SNX25: variants seen among roughly 807,000 people sequenced by gnomAD.
SNX25 encodes the protein sorting nexin 25.
SNX25 carries 62 observed loss-of-function variants against 113.7 expected under a neutral mutation model. That is an observed-to-expected ratio of 0.55 (90% CI 0.44 to 0.67). SNX25 has a LOEUF of 0.67. Among genes scored for constraint, SNX25 ranks in the 30% least tolerant of loss-of-function variants. SNX25 has a pLI of 0.00. For synonymous variants in SNX25, 421 were observed against 436.2 expected (o/e 0.97, Z 0.43); for missense variants, 1,014 against 1,161.0 (o/e 0.87, Z 1.84).
At chr4:185,308,212 C>G (rs929895237) in intron 6 of SNX25, among the ~76,000 whole-genome samples, 2 of 152,224 alleles carry the variant, frequency 1.3e-5, no homozygotes, top group African/African-American at 2.4e-5. Context: ...AGCTGTAATA[C>G]TCAAATGTTT....
At chr4:185,280,857 A>ACGACCCAGATGCAGAGC (rs1254862431) in intron 5 of SNX25, among the ~76,000 whole-genome samples, 1 of 152,216 alleles carries the variant, frequency 6.6e-6, no homozygotes, top group Non-Finnish European at 1.5e-5. Context: ...GCTTTGATTT[A>ACGACCCAGATGCAGAGC]CGACCCAGAT....
intron 6 of SNX25, among the ~76,000 whole-genome samples, chr4:185,288,415 T>C (rs1314574673): frequency 6.6e-6 from 1 of 152,178 alleles, no homozygotes; most frequent in Non-Finnish European, 1.5e-5. Flanking sequence ...AAATTTAATA[T>C]TTCTATCTTG....
intron 16 of SNX25, among the ~76,000 whole-genome samples, chr4:185,360,734 A>G (rs2126758774): frequency 6.6e-6 from 1 of 152,098 alleles, no homozygotes; most frequent in African/African-American, 2.4e-5. Flanking sequence ...CAATCCTGAC[A>G]CAGTGAAACC....
chr4:185,362,014 G>A lies in SNX25; in HGVS notation c.2742G>A (p.Gly914=). 1 of 1,614,054 alleles carries A rather than the reference G, an allele frequency of 6.2e-7. No individual in the cohort carries two copies. Among genetic ancestry groups the A allele is most frequent in the Non-Finnish European group, 8.5e-7 (1 of 1,179,986 alleles). The change falls in exon 17 of 19, where the codon GGG becomes GGA. Residue 914 remains glycine, a synonymous_variant. Coordinates refer to ENST00000652585, the MANE Select transcript of SNX25 (RefSeq NM_001378034.2). ...TCCGGGATGCTTTTTGGCCAAATGG[G>A]AAGTTGGCACCACCGACCACAATCA... is the stretch of plus-strand genomic sequence containing the variant. The part of the protein sequence containing the change: ...NIFRDAFWPN[G]KLAPPTTIRS...
chr4:185,252,367 A>G (rs1216717612), intron 2 of SNX25, among the ~76,000 whole-genome samples: 2 of 152,194 alleles, frequency 1.3e-5, no homozygotes, highest in African/African-American at 4.8e-5. Context: ...GGAATTCAGA[A>G]TGTTATTAAC....
chr4:185,376,372 G>T, the SNX25 span, among the ~76,000 whole-genome samples: 1 of 152,106 alleles, frequency 6.6e-6, no homozygotes, highest in Middle Eastern at 3.4e-3. Flanking sequence ...CTGCCTCCTG[G>T]GTTCAAGCGA....
intron 6 of SNX25, among the ~76,000 whole-genome samples, chr4:185,290,746 A>C (rs1222202531): frequency 2.6e-5 from 4 of 152,224 alleles, no homozygotes; most frequent in African/African-American, 9.7e-5. Context: ...TTTAAGTATT[A>C]GTTTCTCTCT....
At chr4:185,319,193 C>CTT (rs143650995) in intron 7 of SNX25, among the ~76,000 whole-genome samples, 10 of 85,946 alleles carry the variant, frequency 1.2e-4, no homozygotes, top group Non-Finnish European at 1.4e-4. Context: ...TGAGAAAGTC[C>CTT]TTTTTTTTTT....
chr4:185,294,024 G>A (rs114931710), intron 6 of SNX25, among the ~76,000 whole-genome samples: 1,631 of 152,224 alleles, frequency 0.011, 16 homozygotes, highest in South Asian at 0.049. Flanking sequence ...GGATTGATAA[G>A]GAAGATCGTG....
intron 1 of SNX25, among the ~76,000 whole-genome samples, chr4:185,240,368 C>A (rs1467504753): frequency 6.6e-6 from 1 of 151,640 alleles, no homozygotes; most frequent in Non-Finnish European, 1.5e-5. Flanking sequence ...TCTCACCTCC[C>A]GGACGGGGCG....
chr4:185,378,451 G>T, the SNX25 span: 2 of 1,257,672 alleles, frequency 1.6e-6, no homozygotes, highest in Admixed American at 7.5e-5. Context: ...CATGAGACCT[G>T]TTTGCACGTC....
chr4:185,281,786 C>T (rs35699761), intron 5 of SNX25, among the ~76,000 whole-genome samples: 1,834 of 152,134 alleles, frequency 0.012, 22 homozygotes, highest in Non-Finnish European at 0.016. Context: ...GAGGCTGAGG[C>T]GGGCAGATCA....
downstream of SNX25, among the ~76,000 whole-genome samples, chr4:185,368,838 G>A (rs1387891361): frequency 6.8e-6 from 1 of 147,074 alleles, no homozygotes; most frequent in African/African-American, 2.6e-5. Context: ...GTGTTGCCCA[G>A]GCTGGAGTGC....
intron 7 of SNX25, among the ~76,000 whole-genome samples, chr4:185,315,332 T>TCAGA (rs1459383232): frequency 1.3e-5 from 2 of 150,240 alleles, no homozygotes; most frequent in African/African-American, 4.9e-5. Flanking sequence ...CTTCCTCTGT[T>TCAGA]GTTCAGGCTG....
At chr4:185,360,792 G>A (rs1460052724) in intron 16 of SNX25, among the ~76,000 whole-genome samples, 39 of 151,974 alleles carry the variant, frequency 2.6e-4, no homozygotes, top group African/African-American at 8.2e-4. Flanking sequence ...GGTGGCACAC[G>A]CCTGTAGTCC....
At position 185,333,701 on chromosome 4, in the gene SNX25, A is replaced by G. The variant is rs201439600; in HGVS notation, c.1914+942A>G. Among the ~76,000 whole-genome samples the G allele has an allele frequency of 4.6e-5, 7 of 152,188 alleles. No homozygotes were observed. The East Asian group carries it at 1.3e-3, about 29-fold the overall frequency. ...AGGTGTGTTGTCTTGGTTAGTAGTA[A>G]TGTTTTTACAAAATTGTGTAGGAAG... On this transcript the variant is annotated intron_variant, in intron 10 of 18. Coordinates refer to ENST00000652585, the MANE Select transcript of SNX25 (RefSeq NM_001378034.2).
At chr4:185,224,479 AT>A (rs1740575636) in intron 1 of SNX25, among the ~76,000 whole-genome samples, 1 of 127,376 alleles carries the variant, frequency 7.9e-6, no homozygotes, top group Non-Finnish European at 1.6e-5. Flanking sequence ...ATATAAATAT[AT>A]AGATATATAA....
At chr4:185,278,012 G>A (rs1481093544) in intron 5 of SNX25, among the ~76,000 whole-genome samples, 1 of 45,252 alleles carries the variant, frequency 2.2e-5, no homozygotes, top group Non-Finnish European at 5.0e-5. Context: ...GATTACAGGC[G>A]TGAGCCACCG....
At chr4:185,261,148 GTGTGTGTGTA>G (rs973189759) in intron 3 of SNX25, among the ~76,000 whole-genome samples, 1 of 148,414 alleles carries the variant, frequency 6.7e-6, no homozygotes, top group African/African-American at 2.5e-5. Flanking sequence ...GTGTGTGTGT[GTGTGTGTGTA>G]TGTATGTATA....
Sources: gnomAD v4.1 joint callset for allele counts (sites outside exome capture counted in the v4.1 genomes callset) on GRCh38, gnomAD v4.1.1 for gene constraint, MANE v1.5 for transcripts, NCBI Gene and HGNC (gene_info 2026-07-23, HGNC 2026-07-21) for gene names.